The following GPD1L variants were observed in gnomAD, a reference collection of about 807,000 sequenced individuals.
GPD1L encodes the protein glycerol-3-phosphate dehydrogenase 1 like.
In GPD1L, 17 loss-of-function variants were observed where a neutral mutation model predicts 32.9. The observed-to-expected ratio is 0.52, with a 90% CI of 0.35 to 0.78. The LOEUF (loss-of-function observed/expected upper bound fraction) is 0.78, where lower values mean the gene tolerates loss of function less well. Among genes scored for constraint, GPD1L ranks in the 30% least tolerant of loss-of-function variants. The pLI, the probability that GPD1L is intolerant of heterozygous loss-of-function variation, is 0.01. For synonymous variants in GPD1L, 187 were observed against 165.9 expected (o/e 1.13, Z -0.98); for missense variants, 361 against 447.8 (o/e 0.81, Z 1.75).
At chr3:32,126,218 T>C (rs924949655) in intron 1 of GPD1L, among the ~76,000 whole-genome samples, 1 of 152,112 alleles carries the variant, frequency 6.6e-6, no homozygotes, top group African/African-American at 2.4e-5. Context: ...AATAAATAAA[T>C]ACATAAATAA....
Position 32,135,511 on chromosome 3 carries a change from G to A in GPD1L, c.226-3076G>A, listed in dbSNP as rs572825659. Reference sequence around the variant, plus strand: ...TCTGTCGCCCAGGCTGGAGTGCAGTGGCACGATCTTGGCTCACTGCAACCT... The same window carrying A: ...TCTGTCGCCCAGGCTGGAGTGCAGTAGCACGATCTTGGCTCACTGCAACCT... On this transcript the variant is annotated intron_variant, in intron 2 of 7. Coordinates refer to ENST00000282541, the MANE Select transcript of GPD1L (RefSeq NM_015141.4). 3.4e-3 allele frequency among the ~76,000 whole-genome samples: 513 copies of A among 152,264 alleles called. 2 individuals carry two copies. The highest frequency in any genetic ancestry group is 0.012 in the African/African-American group (489 of 41,548).
chr3:32,116,934 C>G (rs1247476349), intron 1 of GPD1L, among the ~76,000 whole-genome samples: 1 of 152,302 alleles, frequency 6.6e-6, no homozygotes, highest in East Asian at 1.9e-4. Context: ...GTAATGTGTT[C>G]TAAGTTACAC....
At chr3:32,154,136 G>A (rs1190939013) in intron 5 of GPD1L, among the ~76,000 whole-genome samples, 1 of 152,096 alleles carries the variant, frequency 6.6e-6, no homozygotes, top group African/African-American at 2.4e-5. Flanking sequence ...AGAGAATGAG[G>A]ATTTCAAGAT....
At chr3:32,164,616 A>G (rs923283419) in intron 7 of GPD1L, among the ~76,000 whole-genome samples, 15 of 152,220 alleles carry the variant, frequency 9.9e-5, no homozygotes, top group Non-Finnish European at 2.9e-5. Context: ...GGTCAGAAGG[A>G]TTGTGAAACT....
At chr3:32,129,264 A>G (rs560575546) in intron 2 of GPD1L, among the ~76,000 whole-genome samples, 1 of 152,332 alleles carries the variant, frequency 6.6e-6, no homozygotes, top group South Asian at 2.1e-4. Flanking sequence ...AAACCTTATG[A>G]GCATGCACTG....
intron 1 of GPD1L, among the ~76,000 whole-genome samples, chr3:32,119,854 G>GTA (rs1475559347): frequency 6.6e-6 from 1 of 152,170 alleles, no homozygotes; most frequent in African/African-American, 2.4e-5. Flanking sequence ...AGCTGATGGT[G>GTA]TATTCTTCCT....
chr3:32,121,960 G>A (rs921425733), intron 1 of GPD1L, among the ~76,000 whole-genome samples: 1 of 151,786 alleles, frequency 6.6e-6, no homozygotes, highest in African/African-American at 2.4e-5. Flanking sequence ...TAGCAGAGAC[G>A]GTGTTTTACC....
intron 1 of GPD1L, among the ~76,000 whole-genome samples, chr3:32,121,519 C>CTATATATATAT (rs1271929810): frequency 1.5e-4 from 6 of 40,714 alleles, no homozygotes. Flanking sequence ...ATATATTTCT[C>CTATATATATAT]TCTATATATA....
At chr3:32,155,621 A>G (rs75731045) in intron 5 of GPD1L, among the ~76,000 whole-genome samples, 44 of 152,246 alleles carry the variant, frequency 2.9e-4, no homozygotes, top group African/African-American at 1.0e-3. Flanking sequence ...TGGCAACTTC[A>G]ATAAAACCAC....
intron 1 of GPD1L, among the ~76,000 whole-genome samples, chr3:32,115,744 T>C (rs1343090285): frequency 1.3e-5 from 2 of 148,882 alleles, no homozygotes; most frequent in African/African-American, 2.5e-5. Context: ...TAAACCCTTT[T>C]CGTGTACGTT....
rs142049545 is a variant in GPD1L, at chr3:32,148,925, A to G, written c.618+2191A>G. ...GGAAGTAAAAATCAAATCACTGACAATCCTACATCCTGAAATAACCTCAGT... is the reference window on the plus strand; with the variant it reads ...GGAAGTAAAAATCAAATCACTGACAGTCCTACATCCTGAAATAACCTCAGT... On this transcript the variant is annotated intron_variant, in intron 5 of 7. Coordinates refer to ENST00000282541, the MANE Select transcript of GPD1L (RefSeq NM_015141.4). Among the ~76,000 whole-genome samples the G allele has an allele frequency of 2.7e-3, 416 of 152,346 alleles. 3 individuals carry two copies. The highest frequency in any genetic ancestry group is 0.02 in the Middle Eastern group (6 of 294).
intron 5 of GPD1L, among the ~76,000 whole-genome samples, chr3:32,148,831 A>G (rs1700870882): frequency 6.6e-6 from 1 of 152,178 alleles, no homozygotes; most frequent in Non-Finnish European, 1.5e-5. Context: ...AATAACAGTG[A>G]TGGGTTTTTC....
At position 32,151,363 on chromosome 3, in the gene GPD1L, G is replaced by A. The variant is rs780498722; in HGVS notation, c.618+4629G>A. Reference sequence around the variant, plus strand: ...CAGCAGCATGCTGGGTAACATTGTAGACTCTTCCAGTTTAGCCATGGTGAC... The same window carrying A: ...CAGCAGCATGCTGGGTAACATTGTAAACTCTTCCAGTTTAGCCATGGTGAC... On this transcript the variant is annotated intron_variant, in intron 5 of 7. Coordinates refer to ENST00000282541, the MANE Select transcript of GPD1L (RefSeq NM_015141.4). 4.5e-5 allele frequency: 31 copies of A among 689,678 alleles called. 1 individual carries two copies. The highest frequency in any genetic ancestry group is 7.3e-5 in the Non-Finnish European group (28 of 384,592). The allele number at this position is 689,678 out of a possible 1,614,324, so 42.7% of individuals were successfully genotyped here.
chr3:32,121,780 T>TG (rs1700426273), intron 1 of GPD1L, among the ~76,000 whole-genome samples: 2 of 135,496 alleles, frequency 1.5e-5, no homozygotes, highest in African/African-American at 5.5e-5. Context: ...TATATATATA[T>TG]ATTTTTTTTA....
rs1413277607 is a variant in GPD1L at position 32,158,707 on chromosome 3, C to T, written c.619-169C>T. ...AATATGGAAGCCCTGTCTCTCCTTT[C>T]GTCATCTCTTTCACCCAGGTGTACA... is the stretch of plus-strand genomic sequence containing the variant. On this transcript the variant is annotated intron_variant, in intron 5 of 7. Transcript: ENST00000282541. 13 of 1,442,712 alleles carry T rather than the reference C, an allele frequency of 9.0e-6. No homozygotes were observed. In the East Asian group the frequency reaches 9.9e-5, roughly 11 times the overall value. 89.4% of individuals were successfully genotyped at this position (1,442,712 alleles called of 1,614,324 possible). A position where few individuals can be genotyped will look rare whatever the true frequency, so the allele number is the denominator to read the frequency against.
At chr3:32,155,674 C>T (rs550488285) in intron 5 of GPD1L, among the ~76,000 whole-genome samples, 1 of 152,330 alleles carries the variant, frequency 6.6e-6, no homozygotes, top group African/African-American at 2.4e-5. Flanking sequence ...CTTCGGCAGT[C>T]AGACCCGCTG....
intron 7 of GPD1L, among the ~76,000 whole-genome samples, chr3:32,161,497 C>T (rs1036980671): frequency 1.3e-5 from 2 of 150,542 alleles, no homozygotes; most frequent in Non-Finnish European, 3.0e-5. Flanking sequence ...TTTTAAGTCT[C>T]AAAAAAAAAT....
intron 5 of GPD1L, among the ~76,000 whole-genome samples, chr3:32,157,134 T>G (rs1033164339): frequency 9.2e-5 from 14 of 152,192 alleles, no homozygotes; most frequent in Admixed American, 3.3e-4. Flanking sequence ...GGTGGTAATC[T>G]GACTTTTACT....
Position 32,140,374 on chromosome 3 carries a change from C to G in GPD1L, c.505+8C>G, listed in dbSNP as rs1401141415. The G allele has an allele frequency of 2.5e-6, 4 of 1,613,968 alleles. No individual in the cohort carries two copies. Among genetic ancestry groups the G allele is most frequent in the Non-Finnish European group, 3.4e-6 (4 of 1,179,964 alleles). On this transcript the variant is annotated splice_region_variant and intron_variant, in intron 4 of 7. Transcript: ENST00000282541. ...TCTGTGAGACCACCATCGGTAAGCA[C>G]TGCCTGGGAGGGACCCCAGGAGTCT...
Sources: allele counts gnomAD v4.1 joint callset (sites outside exome capture counted in the v4.1 genomes callset), GRCh38; gene constraint gnomAD v4.1.1; transcripts MANE v1.5; gene names NCBI Gene and HGNC (gene_info 2026-07-23, HGNC 2026-07-21).